Variants in HERPUD2 observed in about 807,000 individuals in gnomAD.
HERPUD2 encodes the protein homocysteine-responsive endoplasmic reticulum-resident ubiquitin-like domain member 2 protein.
HERPUD2 carries 13 observed loss-of-function variants against 49.9 expected under a neutral mutation model. The ratio of observed to expected loss-of-function variants is 0.26; its 90% CI spans 0.17 to 0.41. The LOEUF (loss-of-function observed/expected upper bound fraction) is 0.41. Among genes scored for constraint, HERPUD2 ranks in the 10% least tolerant of loss-of-function variants. The pLI, the probability that HERPUD2 is intolerant of heterozygous loss-of-function variation, is 1.00. For synonymous variants in HERPUD2, 172 were observed against 171.4 expected, an observed-to-expected ratio of 1.00 and a Z score of -0.03; for missense variants, 449 against 492.2, an observed-to-expected ratio of 0.91 and a Z score of 0.83.
Position 35,694,518 on chromosome 7 carries a change from G to A in HERPUD2, c.-188C>T, listed in dbSNP as rs1786272901. 1 of 619,664 alleles carries A rather than the reference G, an allele frequency of 1.6e-6. No individual in the cohort carries two copies. The highest frequency in any genetic ancestry group is 2.9e-5 in the Admixed American group (1 of 34,406). 38.4% of individuals were successfully genotyped at this position (619,664 alleles called of 1,614,324 possible). On this transcript the variant is annotated 5_prime_UTR_variant, in exon 2 of 9. Transcript: ENST00000311350. The stretch of plus-strand genomic sequence containing the variant: ...GTACCAAGGATGGACTGAGGTGGTG[G>A]CGACTGCGACGGTGGGGTCTGGGTG...
chr7:35,641,277 T>A (rs1784963739), intron 5 of HERPUD2, among the ~76,000 whole-genome samples: 1 of 152,134 alleles, frequency 6.6e-6, no homozygotes, highest in Non-Finnish European at 1.5e-5. Context: ...CAGTATAAAT[T>A]GGAATAAGCC....
chr7:35,694,395 C>T lies in HERPUD2; in HGVS notation c.-65G>A. The T allele has an allele frequency of 2.5e-6, 4 of 1,574,578 alleles. No homozygotes were observed. Among genetic ancestry groups the T allele is most frequent in the Middle Eastern group, 1.8e-4 (1 of 5,550 alleles). On this transcript the variant is annotated 5_prime_UTR_variant, in exon 2 of 9. Coordinates refer to ENST00000311350, the MANE Select transcript of HERPUD2 (RefSeq NM_022373.5). Reference sequence around the variant, plus strand: ...TTAAGCCCAAAAGAGCCGAGATGGTCACCGCCGGCGCGACTGGGATGAGGA... The same window carrying T: ...TTAAGCCCAAAAGAGCCGAGATGGTTACCGCCGGCGCGACTGGGATGAGGA...
intron 2 of HERPUD2, among the ~76,000 whole-genome samples, chr7:35,687,372 T>C (rs573579497): frequency 4.7e-4 from 71 of 152,288 alleles, no homozygotes; most frequent in Non-Finnish European, 7.2e-4. Flanking sequence ...CTACATCCAA[T>C]AGTCAGCAAA....
chr7:35,635,023 G>T, intron 7 of HERPUD2, 112 bp downstream of exon 7: 1 of 732,086 alleles, frequency 1.4e-6, no homozygotes, highest in Non-Finnish European at 2.2e-6. Flanking sequence ...GATATCTAAA[G>T]CCCAGCATTC....
chr7:35,637,454 G>A (rs948736375), intron 6 of HERPUD2, among the ~76,000 whole-genome samples: 8 of 152,170 alleles, frequency 5.3e-5, no homozygotes, highest in Admixed American at 2.0e-4. Context: ...TATGACTGAC[G>A]AAGAAGTGAG....
intron 5 of HERPUD2, among the ~76,000 whole-genome samples, chr7:35,653,204 T>C (rs1341445182): frequency 1.3e-5 from 2 of 152,102 alleles, no homozygotes; most frequent in Non-Finnish European, 2.9e-5. Flanking sequence ...CAACTGTAAA[T>C]GCACAGACTG....
intron 2 of HERPUD2, among the ~76,000 whole-genome samples, chr7:35,675,621 AG>A (rs1296165224): frequency 1.3e-5 from 2 of 152,182 alleles, no homozygotes; most frequent in Non-Finnish European, 2.9e-5. Flanking sequence ...ACATACATAC[AG>A]TGGAGGGAAT....
chr7:35,667,603 G>T lies in HERPUD2; in HGVS notation c.340-15C>A. The T allele has an allele frequency of 6.3e-7, 1 of 1,577,090 alleles. No individual in the cohort carries two copies. The highest frequency in any genetic ancestry group is 1.1e-5 in the South Asian group (1 of 89,496). ...TGATCTGAACTCTACAAATAAAAAT[G>T]TAATTTTTAAAAGGAGATTTAGTTC... On this transcript the variant is annotated splice_polypyrimidine_tract_variant and intron_variant, in intron 4 of 8. Transcript: ENST00000311350.
chr7:35,645,339 C>T (rs1414405845), intron 5 of HERPUD2, among the ~76,000 whole-genome samples: 2 of 151,958 alleles, frequency 1.3e-5, no homozygotes, highest in African/African-American at 4.8e-5. Flanking sequence ...CATAGATACT[C>T]GGGAGGCTGA....
At chr7:35,647,338 C>T (rs1380244738) in intron 5 of HERPUD2, among the ~76,000 whole-genome samples, 1 of 152,180 alleles carries the variant, frequency 6.6e-6, no homozygotes, top group Non-Finnish European at 1.5e-5. Context: ...CACCCTCCTC[C>T]AGGCTCCCTC....
chr7:35,634,828 AGAGGATGACCTTATGCAG>A (rs2115815660), intron 7 of HERPUD2, among the ~76,000 whole-genome samples: 2 of 152,348 alleles, frequency 1.3e-5, no homozygotes, highest in East Asian at 3.9e-4. Flanking sequence ...TTCTAATGAA[AGAGGATGACCTTATGCAG>A]GAGTGCATCA....
intron 5 of HERPUD2, among the ~76,000 whole-genome samples, chr7:35,646,716 A>ATATGCC (rs1785060550): frequency 6.6e-6 from 1 of 152,236 alleles, no homozygotes; most frequent in African/African-American, 2.4e-5. Context: ...CCCATAGAAA[A>ATATGCC]TGTCATATTC....
intron 2 of HERPUD2, among the ~76,000 whole-genome samples, chr7:35,688,492 A>T (rs1440868528): frequency 6.6e-6 from 1 of 152,232 alleles, no homozygotes; most frequent in Non-Finnish European, 1.5e-5. Context: ...GTCAAAGTAT[A>T]TGACTATGGT....
chr7:35,685,716 G>T (rs780111996), intron 2 of HERPUD2, among the ~76,000 whole-genome samples: 1 of 151,844 alleles, frequency 6.6e-6, no homozygotes, highest in Non-Finnish European at 1.5e-5. Context: ...AGTGGTTCAC[G>T]CCTGTAATCC....
intron 3 of HERPUD2, among the ~76,000 whole-genome samples, chr7:35,671,178 A>G (rs1353895440): frequency 4.6e-5 from 7 of 152,154 alleles, no homozygotes; most frequent in South Asian, 2.1e-4. Flanking sequence ...CCATGAACCT[A>G]TAATTGTGCT....
intron 2 of HERPUD2, among the ~76,000 whole-genome samples, chr7:35,677,711 T>C (rs977931500): frequency 1.3e-5 from 2 of 152,208 alleles, no homozygotes; most frequent in Admixed American, 6.5e-5. Flanking sequence ...AGAGAAATAA[T>C]GTGTTTATAT....
chr7:35,665,830 A>G (rs1785526419), intron 5 of HERPUD2, among the ~76,000 whole-genome samples: 1 of 152,250 alleles, frequency 6.6e-6, no homozygotes, highest in South Asian at 2.1e-4. Flanking sequence ...AGCCTAGTTT[A>G]GAGAAATTAT....
At chr7:35,652,214 C>G (rs1785182404) in intron 5 of HERPUD2, among the ~76,000 whole-genome samples, 1 of 152,190 alleles carries the variant, frequency 6.6e-6, no homozygotes, top group African/African-American at 2.4e-5. Flanking sequence ...ACGGTGCGCT[C>G]AGTCCTCTCA....
rs1441771931 is a variant in HERPUD2 at position 35,667,464 on chromosome 7, T to C, written c.464A>G (p.Gln155Arg). The change falls in exon 5 of 9, where the codon CAG becomes CGG. Residue 155 changes from glutamine to arginine, a missense_variant. Physicochemically the swap from Gln to Arg is conservative, Grantham distance 43 (BLOSUM62 1). Transcript: ENST00000311350. ...CATTACATATGGAAACTGGTGACTC[T>C]GTGCTTGGTCAGTTTGTGCTTGTGG... is the stretch of plus-strand genomic sequence containing the variant. Reference protein sequence around the residue: ...TLPQAQTDQAQSHQFPYVMQG... With the variant: ...TLPQAQTDQARSHQFPYVMQG... The C allele has an allele frequency of 2.5e-6, 4 of 1,613,850 alleles. No individual in the cohort carries two copies. Among genetic ancestry groups the C allele is most frequent in the Non-Finnish European group, 3.4e-6 (4 of 1,179,768 alleles).
Sources: allele counts gnomAD v4.1 joint callset (sites outside exome capture counted in the v4.1 genomes callset), GRCh38; gene constraint gnomAD v4.1.1; transcripts MANE v1.5; gene names NCBI Gene and HGNC (gene_info 2026-07-23, HGNC 2026-07-21).